The following EIPR1 variants were observed in gnomAD, a reference collection of about 807,000 sequenced individuals.
EIPR1 encodes the protein EARP complex and GARP complex interacting protein 1.
Under a neutral mutation model 48.1 loss-of-function variants are expected in EIPR1, and 25 were observed. The observed-to-expected ratio is 0.52, with a 90% confidence interval of 0.38 to 0.73. The LOEUF (loss-of-function observed/expected upper bound fraction) is 0.73. Ranked by LOEUF, EIPR1 falls within the 30% of genes least tolerant of loss-of-function variation. EIPR1 has a pLI of 0.00. For synonymous variants in EIPR1, 204 were observed against 201.9 expected, an observed-to-expected ratio of 1.01 and a Z score of -0.09; for missense variants, 415 against 506.2, an observed-to-expected ratio of 0.82 and a Z score of 1.73.
At chr2:3,273,486 C>T (rs1667757152) in intron 3 of EIPR1, among the ~76,000 whole-genome samples, 1 of 152,094 alleles carries the variant, frequency 6.6e-6, no homozygotes, top group Non-Finnish European at 1.5e-5. Context: ...AGCTAGAAAA[C>T]ATTATTCTCC....
intron 4 of EIPR1, among the ~76,000 whole-genome samples, chr2:3,241,512 T>A (rs1478796941): frequency 1.3e-5 from 2 of 152,208 alleles, no homozygotes; most frequent in Non-Finnish European, 2.9e-5. Flanking sequence ...GCCATAAACA[T>A]GAGAAAATAA....
intron 4 of EIPR1, among the ~76,000 whole-genome samples, chr2:3,217,857 T>A (rs958912284): frequency 6.6e-6 from 1 of 152,024 alleles, no homozygotes; most frequent in Non-Finnish European, 1.5e-5. Flanking sequence ...CCACAGAGTG[T>A]GAGTGTCACC....
intron 5 of EIPR1, chr2:3,208,577 T>C: frequency 2.6e-6 from 4 of 1,550,636 alleles, no homozygotes; most frequent in Non-Finnish European, 2.6e-6. Flanking sequence ...AAGTCCTTAT[T>C]ACCCTCTCCA....
At chr2:3,217,094 G>C (rs540122804) in intron 4 of EIPR1, among the ~76,000 whole-genome samples, 1 of 152,334 alleles carries the variant, frequency 6.6e-6, no homozygotes, top group Non-Finnish European at 1.5e-5. Context: ...GATGAGGAGA[G>C]AAAAGGGGTG....
intron 3 of EIPR1, among the ~76,000 whole-genome samples, chr2:3,302,038 T>C (rs1325051359): frequency 6.6e-6 from 1 of 152,186 alleles, no homozygotes; most frequent in African/African-American, 2.4e-5. Context: ...AGGACTCTTT[T>C]ACAGGGCTCC....
chr2:3,202,071 G>C (rs889270703), intron 5 of EIPR1, among the ~76,000 whole-genome samples: 2 of 151,844 alleles, frequency 1.3e-5, no homozygotes, highest in African/African-American at 4.8e-5. Flanking sequence ...CCGAGTAGCT[G>C]GGACTACAGG....
rs1223650407 is a variant in EIPR1 at position 3,250,941 on chromosome 2, CT to C, written c.416+6357del. 7.9e-3 allele frequency among the ~76,000 whole-genome samples: 1,172 copies of C among 147,442 alleles called. 16 individuals carry two copies. Among genetic ancestry groups the C allele is most frequent in the African/African-American group, 0.027 (1,078 of 40,294 alleles). On this transcript the variant is annotated intron_variant, in intron 4 of 8. Coordinates refer to ENST00000382125, the MANE Select transcript of EIPR1 (RefSeq NM_003310.5). ...GCAGAACCCTGAGCCAAATAAACCT[CT>C]TTTTTTTTTTAATAAATTATCCAGT...
intron 4 of EIPR1, among the ~76,000 whole-genome samples, chr2:3,222,241 T>TA (rs1665918813): frequency 6.6e-6 from 1 of 152,200 alleles, no homozygotes; most frequent in Non-Finnish European, 1.5e-5. Flanking sequence ...AGGTGTGGAA[T>TA]AAAATAAGTG....
At chr2:3,199,368 G>C (rs1664932298) in intron 5 of EIPR1, among the ~76,000 whole-genome samples, 1 of 152,190 alleles carries the variant, frequency 6.6e-6, no homozygotes, top group Non-Finnish European at 1.5e-5. Context: ...AGCTTACGAA[G>C]ATGACGGGAT....
At chr2:3,356,073 G>T (rs1670719518) in intron 1 of EIPR1, among the ~76,000 whole-genome samples, 1 of 152,216 alleles carries the variant, frequency 6.6e-6, no homozygotes, top group Non-Finnish European at 1.5e-5. Flanking sequence ...AAGATGAAAT[G>T]CATCACATCT....
chr2:3,192,308 A>T (rs1169711161), intron 8 of EIPR1, 106 bp downstream of exon 8: 4 of 1,331,748 alleles, frequency 3.0e-6, no homozygotes, highest in Non-Finnish European at 3.0e-6. Flanking sequence ...GTGTCCCCCA[A>T]ATGCACTCCT....
rs998689666 is a variant in EIPR1, at chr2:3,189,769, A to G, written c.990-261T>C. Among the ~76,000 whole-genome samples the G allele has an allele frequency of 2.6e-5, 4 of 152,162 alleles. No individual in the cohort carries two copies. The highest frequency in any genetic ancestry group is 9.7e-5 in the African/African-American group (4 of 41,432). The stretch of plus-strand genomic sequence containing the variant: ...TTATGGAAATCGGCGACATTGGCAC[A>G]TGGTGTCTTGGTTTCTTCTGTCCTT... On this transcript the variant is annotated intron_variant, in intron 8 of 8. Coordinates refer to ENST00000382125, the MANE Select transcript of EIPR1 (RefSeq NM_003310.5). The surrounding 1 kb of genome is among the most constrained non-coding windows in gnomAD (Gnocchi z 4.6).
At chr2:3,339,843 G>A (rs1055929720) in intron 2 of EIPR1, among the ~76,000 whole-genome samples, 14 of 152,168 alleles carry the variant, frequency 9.2e-5, no homozygotes, top group African/African-American at 2.7e-4. Context: ...CCAGCTACTC[G>A]GGAGGCTGAG....
intron 4 of EIPR1, among the ~76,000 whole-genome samples, chr2:3,240,702 C>G (rs1572343417): frequency 7.0e-6 from 1 of 143,286 alleles, no homozygotes; most frequent in Admixed American, 6.9e-5. Context: ...AAAGCAAAGC[C>G]AGCAGATCCC....
intron 3 of EIPR1, among the ~76,000 whole-genome samples, chr2:3,261,471 G>A (rs1667332949): frequency 6.6e-6 from 1 of 152,192 alleles, no homozygotes; most frequent in African/African-American, 2.4e-5. Flanking sequence ...CACGGGTTAG[G>A]AACCTGCAAC....
At chr2:3,302,614 G>A (rs1317053015) in intron 3 of EIPR1, among the ~76,000 whole-genome samples, 1 of 152,254 alleles carries the variant, frequency 6.6e-6, no homozygotes, top group Non-Finnish European at 1.5e-5. Context: ...TGGCAGTGAC[G>A]TGACGTCGCG....
rs1167883055 is a variant in EIPR1 at position 3,269,664 on chromosome 2, A to ACACTCAATCATCG, written c.260-12222_260-12210dup. On this transcript the variant is annotated intron_variant, in intron 3 of 8. Coordinates refer to ENST00000382125, the MANE Select transcript of EIPR1 (RefSeq NM_003310.5). ...CACTCAATCATCACACTCAATCATC[A>ACACTCAATCATCG]CACTCAATCATCGCAATCATCGCAC... Among the ~76,000 whole-genome samples the ACACTCAATCATCG allele has an allele frequency of 8.1e-3, 933 of 115,476 alleles. 104 individuals are homozygous for ACACTCAATCATCG. The highest frequency in any genetic ancestry group is 9.2e-3 in the Non-Finnish European group (481 of 52,384). The allele number at this position is 115,476 out of a possible 152,430, so 75.8% of individuals were successfully genotyped here.
At chr2:3,367,825 G>T (rs1423817696) in intron 1 of EIPR1, among the ~76,000 whole-genome samples, 10 of 152,138 alleles carry the variant, frequency 6.6e-5, no homozygotes, top group Admixed American at 6.5e-4. Context: ...AAGGCAGACG[G>T]ATCACAAGGT....
chr2:3,212,372 T>C (rs892949021), intron 5 of EIPR1, among the ~76,000 whole-genome samples: 1 of 152,050 alleles, frequency 6.6e-6, no homozygotes, highest in East Asian at 1.9e-4. Context: ...GCGAGCACAG[T>C]AGGTGTGCAG....
Sources: allele counts gnomAD v4.1 joint callset (sites outside exome capture counted in the v4.1 genomes callset), GRCh38; gene constraint gnomAD v4.1.1; non-coding constraint Gnocchi (gnomAD v3.1); transcripts MANE v1.5; gene names NCBI Gene and HGNC (gene_info 2026-07-23, HGNC 2026-07-21).